Variants in VPS13B observed in about 807,000 individuals in gnomAD.
VPS13B encodes the protein intermembrane lipid transfer protein VPS13B.
VPS13B carries 285 observed loss-of-function variants against 426.4 expected under a neutral mutation model. That is an observed-to-expected ratio of 0.67 (90% CI 0.61 to 0.74). VPS13B has a LOEUF of 0.74. Among genes scored for constraint, VPS13B ranks in the 30% least tolerant of loss-of-function variants. The pLI, the probability that VPS13B is intolerant of heterozygous loss-of-function variation, is 0.00. For synonymous variants in VPS13B, 1,676 were observed against 1,676.4 expected (o/e 1.00, Z 0.01); for missense variants, 4,537 against 4,782.6 (o/e 0.95, Z 1.51).
At chr8:99,229,991 T>TTG (rs1471803374) in intron 17 of VPS13B, among the ~76,000 whole-genome samples, 2 of 152,250 alleles carry the variant, frequency 1.3e-5, no homozygotes, top group Non-Finnish European at 2.9e-5. Flanking sequence ...TCACCAGTAA[T>TTG]TGTGTAACAT....
intron 36 of VPS13B, among the ~76,000 whole-genome samples, chr8:99,705,561 T>TA (rs1355649470): frequency 6.6e-6 from 1 of 151,906 alleles, no homozygotes; most frequent in Non-Finnish European, 1.5e-5. Context: ...GTTTGACATT[T>TA]AAAAAAAAGC....
chr8:99,672,423 T>C (rs1268077328), intron 35 of VPS13B, among the ~76,000 whole-genome samples: 1 of 152,174 alleles, frequency 6.6e-6, no homozygotes, highest in Non-Finnish European at 1.5e-5. Context: ...CAGATAGCTC[T>C]CTGTTAGTGT....
intron 30 of VPS13B, among the ~76,000 whole-genome samples, chr8:99,521,945 AT>A (rs1309377029): frequency 2.0e-5 from 3 of 151,626 alleles, no homozygotes; most frequent in African/African-American, 7.3e-5. Flanking sequence ...TCTTCCTTGT[AT>A]TTTTTTTAGG....
At chr8:99,501,623 A>G (rs1378647746) in intron 25 of VPS13B, 64 bp from the exon 26 acceptor site, 5 of 1,491,700 alleles carry the variant, frequency 3.4e-6, no homozygotes, top group Middle Eastern at 1.8e-4. Context: ...TTAATTTATA[A>G]TTTGTATTTT....
chr8:99,462,213 A>C (rs1280579748), intron 23 of VPS13B, among the ~76,000 whole-genome samples: 2 of 139,460 alleles, frequency 1.4e-5, no homozygotes, highest in Non-Finnish European at 3.0e-5. Flanking sequence ...ACTGTATGCT[A>C]TGCACTGTGT....
chr8:99,766,029 G>A (rs536648171), intron 39 of VPS13B, among the ~76,000 whole-genome samples: 3 of 127,910 alleles, frequency 2.3e-5, no homozygotes, highest in South Asian at 2.6e-4. Flanking sequence ...TTCATTTTCC[G>A]TCTTTCTCCT....
intron 35 of VPS13B, chr8:99,697,198 G>C: frequency 1.8e-6 from 1 of 558,280 alleles, no homozygotes; most frequent in Non-Finnish European, 3.3e-6. Context: ...GAGGTGGAGG[G>C]TGGGCAAGTG....
chr8:99,838,826 G>C (rs1815526207), intron 54 of VPS13B, among the ~76,000 whole-genome samples: 1 of 152,200 alleles, frequency 6.6e-6, no homozygotes, highest in Non-Finnish European at 1.5e-5. Context: ...AAGGTGAACA[G>C]GCACTCCCTA....
chr8:99,138,931 T>A (rs541311118), intron 12 of VPS13B, among the ~76,000 whole-genome samples: 1 of 152,350 alleles, frequency 6.6e-6, no homozygotes, highest in East Asian at 1.9e-4. Context: ...ATGCCTCTCC[T>A]GCAGTTTTTA....
At chr8:99,572,312 A>G (rs1260153223) in intron 31 of VPS13B, among the ~76,000 whole-genome samples, 1 of 152,104 alleles carries the variant, frequency 6.6e-6, no homozygotes, top group Admixed American at 6.6e-5. Flanking sequence ...TGAAATTAAT[A>G]ATTTTTTTAT....
At chr8:99,176,420 A>G (rs1191289655) in intron 16 of VPS13B, among the ~76,000 whole-genome samples, 1 of 152,146 alleles carries the variant, frequency 6.6e-6, no homozygotes, top group East Asian at 1.9e-4. Flanking sequence ...TACAGGCATG[A>G]GCCACCGCGC....
At chr8:99,434,218 A>G (rs560342404) in intron 22 of VPS13B, among the ~76,000 whole-genome samples, 1 of 152,312 alleles carries the variant, frequency 6.6e-6, no homozygotes, top group African/African-American at 2.4e-5. Context: ...TTCAGAAAAT[A>G]TTTATGAAGT....
intron 19 of VPS13B, among the ~76,000 whole-genome samples, chr8:99,277,508 A>T (rs1239225277): frequency 2.0e-5 from 3 of 152,166 alleles, no homozygotes; most frequent in Non-Finnish European, 4.4e-5. Flanking sequence ...TGTGAGTATG[A>T]TTGATGTTAT....
chr8:99,300,324 A>G (rs1383710783), intron 19 of VPS13B, among the ~76,000 whole-genome samples: 1 of 152,252 alleles, frequency 6.6e-6, no homozygotes, highest in South Asian at 2.1e-4. Context: ...TTTGATAAAC[A>G]GCAGGTTACT....
intron 31 of VPS13B, among the ~76,000 whole-genome samples, chr8:99,570,126 A>G (rs1825400326): frequency 6.6e-6 from 1 of 152,154 alleles, no homozygotes; most frequent in South Asian, 2.1e-4. Flanking sequence ...ATATCTTTTC[A>G]TCATCATGGG....
chr8:99,549,076 C>T (rs760195342), intron 30 of VPS13B, among the ~76,000 whole-genome samples: 2 of 152,024 alleles, frequency 1.3e-5, no homozygotes, highest in Non-Finnish European at 2.9e-5. Flanking sequence ...GTTTTGATAG[C>T]TCAGGAGACT....
intron 31 of VPS13B, among the ~76,000 whole-genome samples, chr8:99,572,819 G>C (rs1825551383): frequency 6.6e-6 from 1 of 152,146 alleles, no homozygotes; most frequent in African/African-American, 2.4e-5. Flanking sequence ...TATATACCCA[G>C]TAATGGGATG....
chr8:99,832,341 ATTTTTT>A lies in VPS13B; in HGVS notation c.9331-8_9331-3del, dbSNP rs370235149. 2.9e-4 allele frequency: 341 copies of A among 1,195,276 alleles called. 1 individual carries two copies. Among genetic ancestry groups the A allele is most frequent in the Non-Finnish European group, 3.4e-4 (320 of 932,416 alleles). 74.0% of individuals were successfully genotyped at this position (1,195,276 alleles called of 1,614,324 possible). A position where few individuals can be genotyped will look rare whatever the true frequency, so the allele number is the denominator to read the frequency against. The stretch of plus-strand genomic sequence containing the variant: ...TTACTGTAGCTAATGTGCTCTCTGC[ATTTTTT>A]TTTTTTTTTTTTTTTTTTTAGTATT... On this transcript the variant is annotated intron_variant, in intron 51 of 61. Transcript: ENST00000357162.
At chr8:99,773,282 A>G (rs1811600946) in intron 40 of VPS13B, among the ~76,000 whole-genome samples, 1 of 152,212 alleles carries the variant, frequency 6.6e-6, no homozygotes, top group Non-Finnish European at 1.5e-5. Context: ...TACCTTGGTC[A>G]TTCTCTGCTT....
Sources: gnomAD v4.1 joint callset for allele counts (sites outside exome capture counted in the v4.1 genomes callset) on GRCh38, gnomAD v4.1.1 for gene constraint, MANE v1.5 for transcripts, NCBI Gene and HGNC (gene_info 2026-07-23, HGNC 2026-07-21) for gene names.